The following COG5 variants were observed in gnomAD, a reference collection of about 807,000 sequenced individuals.
COG5 encodes conserved oligomeric Golgi complex subunit 5.
COG5 carries 86 observed loss-of-function variants against 110.4 expected under a neutral mutation model. That is an observed-to-expected ratio of 0.78 (90% confidence interval 0.65 to 0.93). The LOEUF (loss-of-function observed/expected upper bound fraction) is 0.93. COG5 is among the 40% of genes least tolerant of loss of function. The probability of loss-of-function intolerance (pLI) is 0.00; values close to 1 mark genes in which losing one functional copy is unlikely to be tolerated. For missense variants in COG5, 1,077 were observed against 987.0 expected (o/e 1.09, Z -1.22); for synonymous variants, 360 against 334.6 (o/e 1.08, Z -0.83).
At chr7:107,308,025 G>C (rs1807884889) in intron 11 of COG5, among the ~76,000 whole-genome samples, 1 of 152,110 alleles carries the variant, frequency 6.6e-6, no homozygotes, top group African/African-American at 2.4e-5. Context: ...TGCTTTGTTT[G>C]ATTTAGGATC....
chr7:107,360,614 G>C (rs1813026828), intron 10 of COG5, among the ~76,000 whole-genome samples: 1 of 152,046 alleles, frequency 6.6e-6, no homozygotes, highest in African/African-American at 2.4e-5. Context: ...CTAGATGTGG[G>C]CTACATTCCC....
intron 7 of COG5, among the ~76,000 whole-genome samples, chr7:107,373,151 T>C (rs975554440): frequency 1.3e-5 from 2 of 152,018 alleles, no homozygotes; most frequent in Admixed American, 6.6e-5. Context: ...TTCTGTGGAG[T>C]TGACTGAGAG....
At chr7:107,231,483 G>C (rs1310297096) in intron 18 of COG5, among the ~76,000 whole-genome samples, 1 of 152,104 alleles carries the variant, frequency 6.6e-6, no homozygotes, top group Non-Finnish European at 1.5e-5. Flanking sequence ...TTTCTACCAA[G>C]TGCATATGCG....
chr7:107,351,589 C>T (rs1341185895), intron 10 of COG5, among the ~76,000 whole-genome samples: 1 of 151,988 alleles, frequency 6.6e-6, no homozygotes, highest in Non-Finnish European at 1.5e-5. Flanking sequence ...CTAGAATCTA[C>T]AATAAACTCA....
At chr7:107,380,866 T>C (rs902399963) in intron 7 of COG5, among the ~76,000 whole-genome samples, 32 of 151,880 alleles carry the variant, frequency 2.1e-4, no homozygotes, top group African/African-American at 7.7e-4. Flanking sequence ...CAAAAAAAAA[T>C]TTCAGGCCAA....
chr7:107,543,331 G>A (rs1424524869), intron 5 of COG5, among the ~76,000 whole-genome samples: 2 of 152,200 alleles, frequency 1.3e-5, no homozygotes, highest in Admixed American at 6.5e-5. Context: ...ACAGATGCTC[G>A]TTGAGGAGAG....
intron 7 of COG5, 122 bp downstream of exon 7, chr7:107,412,380 A>G (rs1026770909): frequency 2.8e-5 from 24 of 861,488 alleles, no homozygotes; most frequent in Non-Finnish European, 4.4e-5. Context: ...TTTAAATTGT[A>G]GACATACTTT....
At chr7:107,519,136 G>C (rs1800148905) in intron 6 of COG5, among the ~76,000 whole-genome samples, 1 of 152,108 alleles carries the variant, frequency 6.6e-6, no homozygotes. Flanking sequence ...GAATCTCTGG[G>C]ACACATTTAA....
intron 6 of COG5, among the ~76,000 whole-genome samples, chr7:107,432,935 T>C (rs921655691): frequency 5.3e-5 from 8 of 152,024 alleles, no homozygotes; most frequent in Non-Finnish European, 1.0e-4. Flanking sequence ...GCAAACCTTA[T>C]AGATTCCACA....
intron 6 of COG5, among the ~76,000 whole-genome samples, chr7:107,427,414 A>C (rs1051407905): frequency 7.9e-5 from 12 of 152,154 alleles, no homozygotes; most frequent in Non-Finnish European, 1.6e-4. Context: ...AAATTATTTC[A>C]CAACTTGAGA....
chr7:107,258,378 G>A lies in COG5; in HGVS notation c.1581C>T (p.Ser527=). 6.3e-7 allele frequency: 1 copy of A among 1,590,418 alleles called. No individual in the cohort carries two copies. The highest frequency in any genetic ancestry group is 8.6e-7 in the Non-Finnish European group (1 of 1,158,722). The change falls in exon 15 of 22, where the codon TCC becomes TCT. Residue 527 remains serine, a synonymous_variant. Coordinates refer to ENST00000297135, the MANE Select transcript of COG5 (RefSeq NM_006348.5). ...LYSVKSEQLL[S]TQGDASQVIG... ...TCACCTGACTTGCATCTCCTTGTGT[G>A]GAGAGCTGTAAGAATTCAATTTCAA...
At chr7:107,546,490 C>G (rs1005978238) in intron 5 of COG5, among the ~76,000 whole-genome samples, 3 of 132,344 alleles carry the variant, frequency 2.3e-5, no homozygotes, top group African/African-American at 8.3e-5. Flanking sequence ...GGCTCCAGTA[C>G]AATGGTGCAA....
At chr7:107,335,958 C>T in intron 10 of COG5, among the ~76,000 whole-genome samples, 1 of 151,816 alleles carries the variant, frequency 6.6e-6, no homozygotes, top group East Asian at 1.9e-4. Flanking sequence ...ATTGAAACAT[C>T]CAAGTATATA....
At chr7:107,264,271 C>T (rs1162526876) in intron 14 of COG5, among the ~76,000 whole-genome samples, 4 of 152,072 alleles carry the variant, frequency 2.6e-5, no homozygotes, top group Admixed American at 1.3e-4. Flanking sequence ...TCCCGATCTA[C>T]ATCACATCAG....
chr7:107,360,657 T>C (rs1437488554), intron 10 of COG5, among the ~76,000 whole-genome samples: 1 of 152,136 alleles, frequency 6.6e-6, no homozygotes, highest in Non-Finnish European at 1.5e-5. Context: ...AAGCTGTGTG[T>C]AGTACATCTG....
intron 6 of COG5, among the ~76,000 whole-genome samples, chr7:107,429,502 G>C (rs1793868298): frequency 6.6e-6 from 1 of 151,570 alleles, no homozygotes; most frequent in Non-Finnish European, 1.5e-5. Context: ...ATGTTGCCAA[G>C]GCTGATCTCC....
rs774251567 is a variant in COG5 at position 107,362,089 on chromosome 7, A to G, written c.970T>C (p.Leu324=). The G allele has an allele frequency of 6.2e-6, 10 of 1,609,088 alleles. No homozygotes were observed. Among genetic ancestry groups the G allele is most frequent in the Non-Finnish European group, 6.8e-6 (8 of 1,176,178 alleles). The part of the protein sequence containing the change: ...CGQVQHLQKV[L]AKKRDPVSHI... ...GAAACAGGATCTCTCTTCTTGGCCA[A>G]TACTTTTTGTAGATGTTGTACCTTA... Residue 324 remains leucine, a synonymous_variant, in exon 10 of 22, where the codon TTG becomes CTG. Coordinates refer to ENST00000297135, the MANE Select transcript of COG5 (RefSeq NM_006348.5).
chr7:107,218,500 A>G (rs1799677814), intron 19 of COG5, among the ~76,000 whole-genome samples: 1 of 152,164 alleles, frequency 6.6e-6, no homozygotes, highest in African/African-American at 2.4e-5. Context: ...GCATATAAAT[A>G]GAAACACTAA....
intron 6 of COG5, among the ~76,000 whole-genome samples, chr7:107,483,014 A>C (rs1797440931): frequency 6.6e-6 from 1 of 152,190 alleles, no homozygotes; most frequent in South Asian, 2.1e-4. Context: ...TGTATTTTGT[A>C]TGTTTTGAAG....
Sources: gnomAD v4.1 joint callset for allele counts (sites outside exome capture counted in the v4.1 genomes callset) on GRCh38, gnomAD v4.1.1 for gene constraint, MANE v1.5 for transcripts, NCBI Gene and HGNC (gene_info 2026-07-23, HGNC 2026-07-21) for gene names.